The following NRCAM variants were observed in gnomAD, a reference collection of about 807,000 sequenced individuals.
The protein encoded by NRCAM is neuronal cell adhesion molecule.
NRCAM carries 83 observed loss-of-function variants against 156.5 expected under a neutral mutation model. That is an observed-to-expected ratio of 0.53 (90% CI 0.44 to 0.64). The LOEUF is 0.64. NRCAM is among the 30% of genes least tolerant of loss of function. The probability of loss-of-function intolerance (pLI) is 0.00; values close to 1 mark genes in which losing one functional copy is unlikely to be tolerated. For synonymous variants in NRCAM, 538 were observed against 563.9 expected (o/e 0.95, Z 0.65); for missense variants, 1,417 against 1,597.3 (o/e 0.89, Z 1.92).
intron 2 of NRCAM, among the ~76,000 whole-genome samples, chr7:108,383,138 T>TCACA (rs1554584665): frequency 3.0e-4 from 34 of 113,702 alleles, no homozygotes; most frequent in Admixed American, 1.0e-3. Flanking sequence ...ACACACGCTC[T>TCACA]CACACACACA....
rs71137610 is a variant in NRCAM, at chr7:108,172,274, C to CATTTATTTATTT, written c.3187+3036_3187+3047dup. Reference sequence around the variant, plus strand: ...TTCCTAGAATTCCAGACCCTGAAATCATTTATTTATTTATTTATTTATGAA... The same window carrying CATTTATTTATTT: ...TTCCTAGAATTCCAGACCCTGAAATCATTTATTTATTTATTTATTTATTTATTTATTTATGAA... On this transcript the variant is annotated intron_variant, in intron 28 of 32. Coordinates refer to ENST00000379028, the MANE Select transcript of NRCAM (RefSeq NM_001037132.4). 1.2e-4 allele frequency among the ~76,000 whole-genome samples: 18 copies of CATTTATTTATTT among 150,700 alleles called. 1 individual carries two copies. The highest frequency in any genetic ancestry group is 4.2e-4 in the South Asian group (2 of 4,714).
rs539551511 is a variant in NRCAM at position 108,356,503 on chromosome 7, G to A, written c.-174+42933C>T. Among the ~76,000 whole-genome samples the A allele has an allele frequency of 1.3e-5, 2 of 152,202 alleles. 1 individual carries two copies. Among genetic ancestry groups the A allele is most frequent in the Admixed American group, 1.3e-4 (2 of 15,286 alleles). On this transcript the variant is annotated intron_variant, in intron 2 of 32. Transcript: ENST00000379028. ...GCTACTGTATACCTTTTTTACAAAT[G>A]TCCCAACAGCAGGATGTTCATGGCT...
At chr7:108,164,734 G>A (rs749666784) in intron 30 of NRCAM, among the ~76,000 whole-genome samples, 8 of 152,136 alleles carry the variant, frequency 5.3e-5, no homozygotes, top group Non-Finnish European at 8.8e-5. Flanking sequence ...TCTTACAGGC[G>A]ATGTGTTAAC....
At chr7:108,228,419 C>T (rs1018731804) in intron 8 of NRCAM, among the ~76,000 whole-genome samples, 1 of 151,798 alleles carries the variant, frequency 6.6e-6, no homozygotes, top group Non-Finnish European at 1.5e-5. Flanking sequence ...CCTGCTGTAG[C>T]AATAAAATAA....
Position 108,166,923 on chromosome 7 carries a change from G to C in NRCAM, c.3464C>G (p.Pro1155Arg). Reference protein sequence around the residue: ...VSSEDVFETGPAMASRQVDIA... With the variant: ...VSSEDVFETGRAMASRQVDIA... ...AACAGGTGTGGTGTGAGCCTCACCT[G>C]GGCCTGTCTCAAACACATCCTCTGA... The change falls in exon 30 of 33, where the codon CCA (proline) becomes CGA (arginine). Residue 1155 changes from proline to arginine, a missense_variant and splice_region_variant. By Grantham distance (103) the Pro-to-Arg change is moderately radical. Around this residue, in one of 2 missense-constraint regions of NRCAM, gnomAD observed 179 missense variants for 260.9 expected, o/e 0.69. Coordinates refer to ENST00000379028, the MANE Select transcript of NRCAM (RefSeq NM_001037132.4). The C allele has an allele frequency of 1.9e-6, 3 of 1,613,602 alleles. No individual in the cohort carries two copies. The highest frequency in any genetic ancestry group is 2.5e-6 in the Non-Finnish European group (3 of 1,179,762).
Position 108,320,921 on chromosome 7 carries a change from G to T in NRCAM, c.-173-8190C>A, listed in dbSNP as rs540170862. 6.6e-5 allele frequency among the ~76,000 whole-genome samples: 10 copies of T among 152,322 alleles called. No homozygotes were observed. In the South Asian group the frequency reaches 2.1e-3, roughly 32 times the overall value. The stretch of plus-strand genomic sequence containing the variant: ...TATGTTAATTTACGCAGGCGTAAAT[G>T]CTCAATAAGTAGATGACAGACATTT... On this transcript the variant is annotated intron_variant, in intron 2 of 32. Coordinates refer to ENST00000379028, the MANE Select transcript of NRCAM (RefSeq NM_001037132.4).
intron 1 of NRCAM, among the ~76,000 whole-genome samples, chr7:108,404,928 T>C (rs1278415123): frequency 6.6e-6 from 1 of 152,204 alleles, no homozygotes. Flanking sequence ...CTTGGAAATC[T>C]TGTGAGGAGA....
intron 15 of NRCAM, 78 bp from the exon 16 acceptor site, chr7:108,194,506 G>GACCT: frequency 3.1e-6 from 3 of 952,464 alleles, no homozygotes; most frequent in Non-Finnish European, 4.7e-6. Context: ...CATGTTCAAG[G>GACCT]TCAACATGAC....
chr7:108,323,672 G>T (rs2099029326), intron 2 of NRCAM, among the ~76,000 whole-genome samples: 2 of 152,124 alleles, frequency 1.3e-5, no homozygotes. Context: ...AATACAGGCA[G>T]AAATCTCTGC....
At chr7:108,181,511 TAG>T in intron 24 of NRCAM, among the ~76,000 whole-genome samples, 1 of 152,328 alleles carries the variant, frequency 6.6e-6, no homozygotes, top group South Asian at 2.1e-4. Context: ...TAAAGCTAGC[TAG>T]AGTTGGTAAT....
chr7:108,336,025 C>G (rs1179037455), intron 2 of NRCAM, among the ~76,000 whole-genome samples: 2 of 152,174 alleles, frequency 1.3e-5, no homozygotes. Context: ...AAATGGACGT[C>G]CAGAGCCCCA....
chr7:108,427,189 A>C (rs4730312), intron 1 of NRCAM, among the ~76,000 whole-genome samples: 136,645 of 151,992 alleles, frequency 0.9, 61,898 homozygotes, highest in East Asian at 1. Flanking sequence ...TCACCCTTGC[A>C]ACCTCCAGGG....
At chr7:108,392,088 TTC>T (rs1443260574) in intron 2 of NRCAM, among the ~76,000 whole-genome samples, 1 of 152,172 alleles carries the variant, frequency 6.6e-6, no homozygotes, top group Non-Finnish European at 1.5e-5. Flanking sequence ...CTTTGTGGTG[TTC>T]TCTGTATTTC....
At chr7:108,161,538 A>T (rs1670642874) in intron 30 of NRCAM, among the ~76,000 whole-genome samples, 1 of 152,088 alleles carries the variant, frequency 6.6e-6, no homozygotes. Context: ...AAGATAAAAC[A>T]TTTTCTTCTT....
rs2099785826 is a variant in NRCAM, at chr7:108,399,554, A to G, written c.-292T>C. 1 of 152,226 alleles carries G rather than the reference A, an allele frequency of 6.6e-6. No individual in the cohort carries two copies. The highest frequency in any genetic ancestry group is 1.5e-5 in the Non-Finnish European group (1 of 68,038). 9.4% of individuals were successfully genotyped at this position (152,226 alleles called of 1,614,324 possible). ...GCTTTTGTCGAAGTCTTCAGCAAACAGGGGATAAAGAATGCTGAGAGAGAA... is the reference window on the plus strand; with the variant it reads ...GCTTTTGTCGAAGTCTTCAGCAAACGGGGGATAAAGAATGCTGAGAGAGAA... On this transcript the variant is annotated 5_prime_UTR_variant, in exon 2 of 33. Transcript: ENST00000379028.
chr7:108,191,592 AAAG>A, intron 18 of NRCAM, 134 bp downstream of exon 18: 1 of 1,093,292 alleles, frequency 9.1e-7, no homozygotes, highest in South Asian at 2.1e-5. Context: ...GGCATCTTTC[AAAG>A]AAGAAAAACA....
chr7:108,186,323 C>T (rs1232950305), intron 20 of NRCAM, among the ~76,000 whole-genome samples: 8 of 152,130 alleles, frequency 5.3e-5, no homozygotes, highest in East Asian at 1.9e-4. Flanking sequence ...ACTGTCTGCT[C>T]GACAATTCCA....
chr7:108,187,398 T>A (rs991887803), intron 20 of NRCAM, among the ~76,000 whole-genome samples: 3 of 152,172 alleles, frequency 2.0e-5, no homozygotes, highest in Admixed American at 1.3e-4. Context: ...TTTCCTTTGC[T>A]CTTGCTGGAA....
rs999957019 is a variant in NRCAM, at chr7:108,149,151, C to T, written c.*759G>A. On this transcript the variant is annotated 3_prime_UTR_variant, in exon 33 of 33. Transcript: ENST00000379028. ...TTGGATGATTTGTTTTTGATTCTTT[C>T]AGTATGGCACAAATGCCGAAATGCA... 6.6e-6 allele frequency: 1 copy of T among 152,572 alleles called. No homozygotes were observed. Among genetic ancestry groups the T allele is most frequent in the African/African-American group, 2.4e-5 (1 of 41,436 alleles). 9.5% of individuals were successfully genotyped at this position (152,572 alleles called of 1,614,324 possible). A position where few individuals can be genotyped will look rare whatever the true frequency, so the allele number is the denominator to read the frequency against.
Sources: gnomAD v4.1 joint callset for allele counts (sites outside exome capture counted in the v4.1 genomes callset) on GRCh38, gnomAD v4.1.1 for gene constraint, gnomAD v4.1.1 regional missense constraint, MANE v1.5 for transcripts, NCBI Gene and HGNC (gene_info 2026-07-23, HGNC 2026-07-21) for gene names.